CABIN1: variants seen among roughly 807,000 people sequenced by gnomAD.
CABIN1 encodes the protein calcineurin binding protein 1.
Under a neutral mutation model 227.7 loss-of-function variants are expected in CABIN1, and 133 were observed. That is an observed-to-expected ratio of 0.58 (90% confidence interval 0.51 to 0.67). CABIN1 has a LOEUF of 0.67. Ranked by LOEUF, CABIN1 falls within the 30% of genes least tolerant of loss-of-function variation. The pLI is 0.00. For missense variants in CABIN1, 2,408 were observed against 2,852.5 expected, an observed-to-expected ratio of 0.84 and a Z score of 3.55; for synonymous variants, 1,086 against 1,155.1, an observed-to-expected ratio of 0.94 and a Z score of 1.21.
chr22:24,079,373 G>T (rs2040657972), intron 19 of CABIN1, among the ~76,000 whole-genome samples: 2 of 152,074 alleles, frequency 1.3e-5, no homozygotes, highest in South Asian at 4.1e-4. Flanking sequence ...CCACCAAGAG[G>T]TTGTTTTATG....
At chr22:24,165,423 A>G (rs1164564516) in intron 30 of CABIN1, 107 bp from the exon 31 acceptor site, 2 of 1,026,874 alleles carry the variant, frequency 1.9e-6, no homozygotes, top group Non-Finnish European at 3.0e-6. Context: ...ACACTGAGGA[A>G]CAAACAGGCA....
intron 27 of CABIN1, among the ~76,000 whole-genome samples, chr22:24,114,511 A>G (rs1186663175): frequency 1.3e-5 from 2 of 152,234 alleles, no homozygotes; most frequent in Non-Finnish European, 2.9e-5. Context: ...CCTAGAAAAA[A>G]AGCACAATGA....
chr22:24,087,848 C>T (rs939689310), intron 23 of CABIN1, 135 bp downstream of exon 23: 233 of 1,184,534 alleles, frequency 2.0e-4, no homozygotes, highest in Non-Finnish European at 2.6e-4. Context: ...GACGAATCTC[C>T]CCATGAGGCT....
intron 19 of CABIN1, among the ~76,000 whole-genome samples, chr22:24,080,068 G>T (rs1217351814): frequency 2.0e-5 from 3 of 152,030 alleles, no homozygotes; most frequent in African/African-American, 7.2e-5. Flanking sequence ...CTACTAGTTT[G>T]CTCTTGTATT....
chr22:24,053,205 G>A (rs1385666137), intron 8 of CABIN1, among the ~76,000 whole-genome samples: 1 of 150,624 alleles, frequency 6.6e-6, no homozygotes, highest in African/African-American at 2.4e-5. Context: ...AGACTCCCAA[G>A]TAGCTGAGAC....
chr22:24,024,006 T>C (rs2146641507), intron 1 of CABIN1, among the ~76,000 whole-genome samples: 1 of 152,318 alleles, frequency 6.6e-6, no homozygotes. Flanking sequence ...GTGCTAGGAT[T>C]ACAGACGTGA....
intron 25 of CABIN1, among the ~76,000 whole-genome samples, chr22:24,096,305 C>T (rs1475606741): frequency 1.3e-5 from 2 of 152,190 alleles, no homozygotes; most frequent in African/African-American, 4.8e-5. Context: ...ACCCTGTGGT[C>T]ATGTGTGGTG....
At chr22:24,050,715 G>A in intron 7 of CABIN1, 110 bp from the exon 8 acceptor site, 1 of 1,363,742 alleles carries the variant, frequency 7.3e-7, no homozygotes, top group African/African-American at 1.4e-5. Flanking sequence ...TTTATAGGAA[G>A]AAAAATACAC....
At position 24,067,059 on chromosome 22, in the gene CABIN1, G is replaced by C; in HGVS notation, c.2110G>C (p.Asp704His). ...EEIQRLYEAG[D>H]YKAVVHLLRP... ...GATTCAGCGGCTGTATGAAGCAGGCGACTACAAGGCTGTTGTGCATCTGCT... is the reference window on the plus strand; with the variant it reads ...GATTCAGCGGCTGTATGAAGCAGGCCACTACAAGGCTGTTGTGCATCTGCT... Residue 704 changes from aspartate (D) to histidine (H), a missense_variant, in exon 16 of 37, where the codon GAC (aspartate) becomes CAC (histidine). Transcript: ENST00000263119. The C allele has an allele frequency of 6.2e-7, 1 of 1,614,200 alleles. No individual in the cohort carries two copies. The highest frequency in any genetic ancestry group is 8.5e-7 in the Non-Finnish European group (1 of 1,180,038).
intron 2 of CABIN1, 140 bp downstream of exon 2, chr22:24,035,660 C>T (rs1032908092): frequency 1.9e-6 from 2 of 1,075,004 alleles, no homozygotes; most frequent in East Asian, 2.4e-5. Flanking sequence ...CTGTTGGCAC[C>T]TTTGAGGGTG....
chr22:24,098,235 T>G, intron 26 of CABIN1, 43 bp downstream of exon 26: 1 of 1,478,682 alleles, frequency 6.8e-7, no homozygotes, highest in Non-Finnish European at 9.1e-7. Context: ...GGGCGGCACA[T>G]CAATCACGGG....
chr22:24,056,097 G>T (rs1338410731), intron 9 of CABIN1, 95 bp from the exon 10 acceptor site: 3 of 1,065,582 alleles, frequency 2.8e-6, no homozygotes, highest in Non-Finnish European at 2.9e-6. Flanking sequence ...TTTAATGCTA[G>T]TAGATTTATA....
chr22:24,131,162 T>A (rs1414328177), intron 28 of CABIN1, among the ~76,000 whole-genome samples: 1 of 152,234 alleles, frequency 6.6e-6, no homozygotes, highest in African/African-American at 2.4e-5. Flanking sequence ...GTCGAGGCTT[T>A]ACTTTCTTGG....
rs1055487881 is a variant in CABIN1, at chr22:24,166,532, C to T, written c.5008-107C>T. Reference sequence around the variant, plus strand: ...CAGCTGGCAGATGTCCGGAGCCACACAGATGTCAGGTGGGAGAGGCCCAGG... The same window carrying T: ...CAGCTGGCAGATGTCCGGAGCCACATAGATGTCAGGTGGGAGAGGCCCAGG... On this transcript the variant is annotated intron_variant, in intron 31 of 36. Coordinates refer to ENST00000263119, the MANE Select transcript of CABIN1 (RefSeq NM_012295.4). 7.3e-6 allele frequency: 10 copies of T among 1,370,034 alleles called. No homozygotes were observed. In the Admixed American group the frequency reaches 1.5e-4, roughly 21 times the overall value. 84.9% of individuals were successfully genotyped at this position (1,370,034 alleles called of 1,614,324 possible). A position where few individuals can be genotyped will look rare whatever the true frequency, so the allele number is the denominator to read the frequency against.
At chr22:24,162,619 T>C (rs2046222979) in intron 29 of CABIN1, among the ~76,000 whole-genome samples, 1 of 152,178 alleles carries the variant, frequency 6.6e-6, no homozygotes, top group South Asian at 2.1e-4. Flanking sequence ...CATGCAAATG[T>C]AAAATGCTGC....
chr22:24,084,591 T>C lies in CABIN1; in HGVS notation c.2923T>C (p.Trp975Arg). Reference sequence around the variant, plus strand: ...TCTTTTTTTCAAGGTGGATCTTATATGGGAGGATGCACTGTTCATGTTTGA... The same window carrying C: ...TCTTTTTTTCAAGGTGGATCTTATACGGGAGGATGCACTGTTCATGTTTGA... ...EHSAQQVDLI[W>R]EDALFMFEYF... is the part of the protein sequence containing the mutation. Residue 975 changes from tryptophan to arginine, a missense_variant, in exon 21 of 37, where the codon TGG becomes CGG. Around this residue, in one of 3 missense-constraint regions of CABIN1, gnomAD observed 649 missense variants for 910.3 expected, o/e 0.71. Transcript: ENST00000263119. The C allele has an allele frequency of 6.2e-7, 1 of 1,614,066 alleles. No individual in the cohort carries two copies. The highest frequency in any genetic ancestry group is 8.5e-7 in the Non-Finnish European group (1 of 1,179,898).
intron 1 of CABIN1, among the ~76,000 whole-genome samples, chr22:24,027,149 CT>C (rs1413835579): frequency 6.6e-6 from 1 of 152,056 alleles, no homozygotes; most frequent in Non-Finnish European, 1.5e-5. Context: ...AAATGATATT[CT>C]TTTTTTCAAT....
At chr22:24,084,428 T>A in intron 20 of CABIN1, 151 bp from the exon 21 acceptor site, 1 of 704,902 alleles carries the variant, frequency 1.4e-6, no homozygotes, top group South Asian at 1.6e-5. Flanking sequence ...AGATTTTTTT[T>A]TTTTAAGTAT....
intron 27 of CABIN1, among the ~76,000 whole-genome samples, chr22:24,114,311 A>C (rs2042968037): frequency 6.6e-6 from 1 of 152,144 alleles, no homozygotes; most frequent in African/African-American, 2.4e-5. Flanking sequence ...TTACTGGGAG[A>C]TCACAGGCAG....
Sources: allele counts gnomAD v4.1 joint callset (sites outside exome capture counted in the v4.1 genomes callset), GRCh38; gene constraint gnomAD v4.1.1; regional missense constraint gnomAD v4.1.1; transcripts MANE v1.5; gene names NCBI Gene and HGNC (gene_info 2026-07-23, HGNC 2026-07-21).